ZSWIM6: variants seen among roughly 807,000 people sequenced by gnomAD.
ZSWIM6 encodes zinc finger SWIM-type containing 6, also known as zinc finger SWIM domain-containing protein 6.
Under a neutral mutation model 113.2 loss-of-function variants are expected in ZSWIM6, and 9 were observed. That is an observed-to-expected ratio of 0.08 (90% CI 0.05 to 0.14). The LOEUF is 0.14. Ranked by LOEUF, ZSWIM6 falls within the 10% of genes least tolerant of loss-of-function variation. The pLI, the probability that ZSWIM6 is intolerant of heterozygous loss-of-function variation, is 1.00. For missense variants in ZSWIM6, 1,162 were observed against 1,552.2 expected (o/e 0.75, Z 4.22); for synonymous variants, 611 against 606.5 (o/e 1.01, Z -0.11).
At chr5:61,532,420 T>C (rs934727692) in intron 9 of ZSWIM6, among the ~76,000 whole-genome samples, 1 of 152,198 alleles carries the variant, frequency 6.6e-6, no homozygotes, top group Non-Finnish European at 1.5e-5. Context: ...GTGTGATCTT[T>C]CGTGCAAATT....
rs186834129 is a variant in ZSWIM6, at chr5:61,348,557, C to T, written c.676+15609C>T. ...AGTATATGACAGTCTATTTTAGGGT[C>T]GTTTCAGGGATTTATTGGCTTTACC... On this transcript the variant is annotated intron_variant, in intron 1 of 13. Transcript: ENST00000252744. Among the ~76,000 whole-genome samples the T allele has an allele frequency of 2.6e-4, 40 of 152,148 alleles. 2 individuals carry two copies. Among genetic ancestry groups the T allele is most frequent in the African/African-American group, 9.4e-4 (39 of 41,516 alleles).
intron 4 of ZSWIM6, among the ~76,000 whole-genome samples, chr5:61,511,870 A>G (rs372448758): frequency 6.6e-6 from 1 of 152,184 alleles, no homozygotes; most frequent in East Asian, 1.9e-4. Context: ...ATGATTGTAA[A>G]GCCCTAAATA....
chr5:61,439,428 G>A (rs1746777629), intron 1 of ZSWIM6, among the ~76,000 whole-genome samples: 1 of 152,122 alleles, frequency 6.6e-6, no homozygotes, highest in Non-Finnish European at 1.5e-5. Context: ...GCAGGACTAG[G>A]GTTTTTAAGC....
At chr5:61,470,407 A>T (rs1342672114) in intron 1 of ZSWIM6, among the ~76,000 whole-genome samples, 2 of 152,060 alleles carry the variant, frequency 1.3e-5, no homozygotes, top group African/African-American at 2.4e-5. Flanking sequence ...TCCCTTGGTA[A>T]TTTTTTTGTC....
intron 4 of ZSWIM6, among the ~76,000 whole-genome samples, chr5:61,517,629 GT>G (rs199766032): frequency 1.6e-4 from 24 of 151,974 alleles, no homozygotes; most frequent in Admixed American, 7.2e-4. Flanking sequence ...TCTGTTGACT[GT>G]TTTTTCCCCT....
In ZSWIM6 at chr5:61,544,366, GT is replaced by G. The variant is rs1433522575; in HGVS notation, c.*54del. On this transcript the variant is annotated 3_prime_UTR_variant, in exon 14 of 14. Transcript: ENST00000252744. ...GGGGTGGGGATGGGAGGGATGGTTTGTTTTTACTTGAGCCTGCCTTTGTACC... is the reference window on the plus strand; with the variant it reads ...GGGGTGGGGATGGGAGGGATGGTTTGTTTTACTTGAGCCTGCCTTTGTACC... 1 of 932,666 alleles carries G rather than the reference GT, an allele frequency of 1.1e-6. No individual in the cohort carries two copies. Among genetic ancestry groups the G allele is most frequent in the Admixed American group, 2.3e-5 (1 of 43,942 alleles). 57.8% of individuals were successfully genotyped at this position (932,666 alleles called of 1,614,324 possible). A position where few individuals can be genotyped will look rare whatever the true frequency, so the allele number is the denominator to read the frequency against.
At chr5:61,404,318 T>G (rs1746005149) in intron 1 of ZSWIM6, among the ~76,000 whole-genome samples, 1 of 152,234 alleles carries the variant, frequency 6.6e-6, no homozygotes, top group South Asian at 2.1e-4. Context: ...TTCCCCTTGT[T>G]CCCAATGGTT....
rs1490290388 is a variant in ZSWIM6 at position 61,531,433 on chromosome 5, T to C, written c.1985-32T>C. 6.5e-6 allele frequency: 10 copies of C among 1,527,220 alleles called. No individual in the cohort carries two copies. In the Admixed American group the frequency reaches 1.4e-4, roughly 22 times the overall value. 94.6% of individuals were successfully genotyped at this position (1,527,220 alleles called of 1,614,324 possible). On this transcript the variant is annotated intron_variant, in intron 8 of 13. Transcript: ENST00000252744. ...TCATATCATCTGCAAAAGTAGTTTCTGAGCTCTGATTTCTTTTGTGGCATT... is the reference window on the plus strand; with the variant it reads ...TCATATCATCTGCAAAAGTAGTTTCCGAGCTCTGATTTCTTTTGTGGCATT...
At chr5:61,504,404 A>C (rs961573996) in intron 4 of ZSWIM6, among the ~76,000 whole-genome samples, 2 of 152,234 alleles carry the variant, frequency 1.3e-5, no homozygotes, top group Non-Finnish European at 2.9e-5. Flanking sequence ...TACAATCAGC[A>C]TGAAGCACTT....
chr5:61,526,405 G>A lies in ZSWIM6; in HGVS notation c.1837+9G>A, dbSNP rs1561279009. The A allele has an allele frequency of 1.6e-5, 25 of 1,551,910 alleles. No homozygotes were observed. The highest frequency in any genetic ancestry group is 2.2e-5 in the Non-Finnish European group (25 of 1,146,930). On this transcript the variant is annotated intron_variant, in intron 7 of 13. Coordinates refer to ENST00000252744, the MANE Select transcript of ZSWIM6 (RefSeq NM_020928.2). ...CCGAACCCAAAAAAAAGGTGAATGT[G>A]AAGGAGTTTGTTTCCATTGGAATGG...
chr5:61,342,305 A>T (rs951147216), intron 1 of ZSWIM6, among the ~76,000 whole-genome samples: 10 of 152,196 alleles, frequency 6.6e-5, no homozygotes, highest in African/African-American at 2.2e-4. Context: ...AACATTTCAT[A>T]GCACTTAACC....
At chr5:61,367,484 A>G (rs1745183833) in intron 1 of ZSWIM6, among the ~76,000 whole-genome samples, 1 of 152,120 alleles carries the variant, frequency 6.6e-6, no homozygotes, top group East Asian at 1.9e-4. Context: ...ACCTCAAGTG[A>G]TCCATCCTCC....
chr5:61,490,265 A>G (rs1273101154), intron 2 of ZSWIM6, among the ~76,000 whole-genome samples: 1 of 152,160 alleles, frequency 6.6e-6, no homozygotes, highest in Non-Finnish European at 1.5e-5. Flanking sequence ...GCCTGTTCCC[A>G]TGTGGCTTGA....
chr5:61,480,735 G>A (rs1456102329), intron 2 of ZSWIM6, among the ~76,000 whole-genome samples: 1 of 152,150 alleles, frequency 6.6e-6, no homozygotes, highest in Non-Finnish European at 1.5e-5. Context: ...TCTCCTCTCT[G>A]CTGTAAAGAA....
intron 1 of ZSWIM6, among the ~76,000 whole-genome samples, chr5:61,352,722 G>T (rs1051278151): frequency 6.6e-6 from 1 of 152,182 alleles, no homozygotes; most frequent in Non-Finnish European, 1.5e-5. Context: ...CTTTATCAAG[G>T]TCAGTTGTCT....
chr5:61,457,772 C>T (rs1260704481), intron 1 of ZSWIM6, among the ~76,000 whole-genome samples: 1 of 152,146 alleles, frequency 6.6e-6, no homozygotes. Flanking sequence ...ATCCACAAGC[C>T]TCGGCCTCCT....
chr5:61,413,799 C>T (rs1746192725), intron 1 of ZSWIM6, among the ~76,000 whole-genome samples: 1 of 151,978 alleles, frequency 6.6e-6, no homozygotes, highest in Admixed American at 6.5e-5. Context: ...TTTCATGTGT[C>T]TTTTGGCTGC....
chr5:61,363,586 T>C (rs765804785), intron 1 of ZSWIM6, among the ~76,000 whole-genome samples: 2 of 152,198 alleles, frequency 1.3e-5, no homozygotes, highest in African/African-American at 2.4e-5. Context: ...CGGAAACTTA[T>C]TATTGGCACA....
intron 1 of ZSWIM6, among the ~76,000 whole-genome samples, chr5:61,418,858 G>A (rs1746303779): frequency 6.6e-6 from 1 of 152,144 alleles, no homozygotes; most frequent in Admixed American, 6.5e-5. Flanking sequence ...GTCTTGCCCT[G>A]TCGCCCAGGC....
Sources: allele counts gnomAD v4.1 joint callset (sites outside exome capture counted in the v4.1 genomes callset), GRCh38; gene constraint gnomAD v4.1.1; transcripts MANE v1.5; gene names NCBI Gene and HGNC (gene_info 2026-07-23, HGNC 2026-07-21).